Variants in PLA2G5 observed in about 807,000 individuals in gnomAD.
PLA2G5 encodes the protein Ca2+-dependent phospholipase A2.
PLA2G5 carries 12 observed loss-of-function variants against 15.9 expected under a neutral mutation model. That is an observed-to-expected ratio of 0.76 (90% CI 0.48 to 1.23). The LOEUF (loss-of-function observed/expected upper bound fraction) is 1.23. Among genes scored for constraint, PLA2G5 ranks in the 50% most tolerant of loss-of-function variants. The pLI, the probability that PLA2G5 is intolerant of heterozygous loss-of-function variation, is 0.00. For missense variants in PLA2G5, 169 were observed against 177.1 expected, an observed-to-expected ratio of 0.95 and a Z score of 0.26; for synonymous variants, 71 against 71.4, an observed-to-expected ratio of 0.99 and a Z score of 0.03.
intron 1 of PLA2G5, among the ~76,000 whole-genome samples, chr1:20,047,346 C>A (rs1003666695): frequency 7.9e-5 from 12 of 151,150 alleles, no homozygotes; most frequent in Non-Finnish European, 1.2e-4. Flanking sequence ...CTCAGTTCCT[C>A]CTTTTAGGAA....
Position 20,084,851 on chromosome 1 carries a change from G to C in PLA2G5, c.21G>C (p.Leu7=), listed in dbSNP as rs947349260. 9 of 1,610,992 alleles carry C rather than the reference G, an allele frequency of 5.6e-6. No homozygotes were observed. The highest frequency in any genetic ancestry group is 7.6e-6 in the Non-Finnish European group (9 of 1,177,158). Reference sequence around the variant, plus strand: ...CAGAGATGAAAGGCCTCCTCCCACTGGCTTGGTTCCTGGCTTGTAGTAAGT... The same window carrying C: ...CAGAGATGAAAGGCCTCCTCCCACTCGCTTGGTTCCTGGCTTGTAGTAAGT... MKGLLP[L]AWFLACSVPA... Residue 7 remains leucine (L), a synonymous_variant, in exon 2 of 5, where the codon CTG becomes CTC. Transcript: ENST00000375108.
intron 1 of PLA2G5, among the ~76,000 whole-genome samples, chr1:20,035,096 T>C (rs913625289): frequency 1.3e-5 from 2 of 152,102 alleles, no homozygotes; most frequent in Non-Finnish European, 2.9e-5. Flanking sequence ...TTCCAGGTTT[T>C]GGCACCCAAA....
intron 1 of PLA2G5, among the ~76,000 whole-genome samples, chr1:20,077,484 A>G (rs2015751417): frequency 6.6e-6 from 1 of 151,938 alleles, no homozygotes; most frequent in African/African-American, 2.4e-5. Context: ...CTTACTGAGC[A>G]CCTACTATGT....
intron 1 of PLA2G5, among the ~76,000 whole-genome samples, chr1:20,047,244 G>A (rs920877090): frequency 6.6e-6 from 1 of 152,168 alleles, no homozygotes; most frequent in African/African-American, 2.4e-5. Flanking sequence ...AGACATGTAA[G>A]AGGGTGGAAA....
intron 1 of PLA2G5, among the ~76,000 whole-genome samples, chr1:20,039,634 A>G (rs2100326211): frequency 6.6e-6 from 1 of 152,288 alleles, no homozygotes; most frequent in Middle Eastern, 3.4e-3. Flanking sequence ...CATTTCCTAT[A>G]AATAGGAAAT....
At chr1:20,040,168 T>C (rs1424351609) in intron 1 of PLA2G5, among the ~76,000 whole-genome samples, 1 of 152,214 alleles carries the variant, frequency 6.6e-6, no homozygotes, top group Non-Finnish European at 1.5e-5. Context: ...TGCTTTACTA[T>C]ACCCTTTGCT....
intron 1 of PLA2G5, 34 bp downstream of exon 1, chr1:20,070,499 G>T (rs1337748169): frequency 2.0e-6 from 2 of 984,074 alleles, no homozygotes; most frequent in African/African-American, 3.5e-5. Flanking sequence ...TAAATTGGGG[G>T]TTGTGGAGGG....
intron 1 of PLA2G5, among the ~76,000 whole-genome samples, chr1:20,071,680 C>T (rs1448129521): frequency 1.3e-5 from 2 of 152,108 alleles, no homozygotes; most frequent in African/African-American, 4.8e-5. Flanking sequence ...TGCACTCCTA[C>T]CCTGGGGCCT....
intron 1 of PLA2G5, among the ~76,000 whole-genome samples, chr1:20,038,478 A>G (rs1305621360): frequency 6.6e-6 from 1 of 152,060 alleles, no homozygotes; most frequent in Non-Finnish European, 1.5e-5. Flanking sequence ...TCTACTTTAT[A>G]TTTTGCTCTG....
At chr1:20,031,756 C>T (rs1265981450) in intron 1 of PLA2G5, among the ~76,000 whole-genome samples, 1 of 151,860 alleles carries the variant, frequency 6.6e-6, no homozygotes, top group Non-Finnish European at 1.5e-5. Context: ...GTTAGCTTTC[C>T]CGATGTGGGA....
intron 1 of PLA2G5, among the ~76,000 whole-genome samples, chr1:20,045,378 C>T (rs2013842664): frequency 6.6e-6 from 1 of 152,064 alleles, no homozygotes; most frequent in Admixed American, 6.5e-5. Flanking sequence ...TGATCAGACA[C>T]CTCTGAAATG....
chr1:20,072,535 T>G (rs1431764942), intron 1 of PLA2G5, among the ~76,000 whole-genome samples: 2 of 152,086 alleles, frequency 1.3e-5, no homozygotes. Context: ...TTAGTGAGTT[T>G]AAGGAACTAA....
chr1:20,073,604 C>T (rs886275052), intron 1 of PLA2G5, among the ~76,000 whole-genome samples: 2 of 152,148 alleles, frequency 1.3e-5, no homozygotes, highest in Non-Finnish European at 2.9e-5. Context: ...CATTAGGGGC[C>T]GGGTGCGGTG....
intron 1 of PLA2G5, among the ~76,000 whole-genome samples, chr1:20,077,797 C>G (rs2015770155): frequency 6.6e-6 from 1 of 152,200 alleles, no homozygotes; most frequent in Admixed American, 6.5e-5. Context: ...GAACACACGT[C>G]TCTCCTACGT....
intron 1 of PLA2G5, among the ~76,000 whole-genome samples, chr1:20,084,167 C>T (rs1040269452): frequency 2.0e-5 from 3 of 149,344 alleles, no homozygotes; most frequent in African/African-American, 7.7e-5. Context: ...GCCCTGAAAG[C>T]CACTGGCACA....
rs994863633 is a variant in PLA2G5, at chr1:20,051,200, C to T, written n.277-8432C>T. ...CCTGAAACTTTTTGTCATCCACAGA[C>T]AATTGTCTTGTTTAGGTCCTCTTTA... On this transcript the variant is annotated intron_variant and non_coding_transcript_variant, in intron 1 of 6. Transcript: ENST00000460175. 7.9e-5 allele frequency among the ~76,000 whole-genome samples: 12 copies of T among 152,280 alleles called. No individual in the cohort carries two copies. In the South Asian group the frequency reaches 2.1e-3, roughly 26 times the overall value.
chr1:20,052,526 G>A (rs78369224), intron 1 of PLA2G5, among the ~76,000 whole-genome samples: 16,699 of 152,040 alleles, frequency 0.11, 1,591 homozygotes, highest in African/African-American at 0.26. Context: ...TTCATTTGTT[G>A]TTGTTTTTCT....
chr1:20,075,141 T>C (rs992771254), intron 1 of PLA2G5, among the ~76,000 whole-genome samples: 14 of 152,238 alleles, frequency 9.2e-5, no homozygotes, highest in Non-Finnish European at 2.1e-4. Context: ...CCTGTCCTTG[T>C]GCAGTTCAGC....
chr1:20,033,619 G>A (rs544863957), intron 1 of PLA2G5, among the ~76,000 whole-genome samples: 3 of 152,280 alleles, frequency 2.0e-5, no homozygotes, highest in Admixed American at 2.0e-4. Context: ...GGATGACAGA[G>A]TCCAGTTGTT....
Sources: gnomAD v4.1 joint callset for allele counts (sites outside exome capture counted in the v4.1 genomes callset) on GRCh38, gnomAD v4.1.1 for gene constraint, MANE v1.5 for transcripts, NCBI Gene and HGNC (gene_info 2026-07-23, HGNC 2026-07-21) for gene names.